The following LRRTM4 variants were observed in gnomAD, a reference collection of about 807,000 sequenced individuals.
LRRTM4 encodes leucine-rich repeat transmembrane neuronal protein 4.
Under a neutral mutation model 47.6 loss-of-function variants are expected in LRRTM4, and 25 were observed. The observed-to-expected ratio is 0.53, with a 90% CI of 0.38 to 0.73. The LOEUF (loss-of-function observed/expected upper bound fraction) is 0.73. Among genes scored for constraint, LRRTM4 ranks in the 30% least tolerant of loss-of-function variants. The pLI is 0.00. For synonymous variants in LRRTM4, 311 were observed against 269.5 expected (o/e 1.15, Z -1.51); for missense variants, 638 against 713.4 (o/e 0.89, Z 1.20).
intron 3 of LRRTM4, among the ~76,000 whole-genome samples, chr2:76,798,274 A>G (rs938687320): frequency 6.6e-6 from 1 of 152,152 alleles, no homozygotes; most frequent in South Asian, 2.1e-4. Context: ...TGCAATTAAA[A>G]TAGAACTCAG....
At chr2:76,837,741 G>A (rs1266493748) in intron 3 of LRRTM4, among the ~76,000 whole-genome samples, 1 of 152,106 alleles carries the variant, frequency 6.6e-6, no homozygotes, top group Non-Finnish European at 1.5e-5. Context: ...ATACACCATG[G>A]AATACTATGC....
At chr2:76,763,671 G>T (rs991376700) in intron 3 of LRRTM4, among the ~76,000 whole-genome samples, 1 of 152,120 alleles carries the variant, frequency 6.6e-6, no homozygotes, top group African/African-American at 2.4e-5. Context: ...AAAAATGTAG[G>T]CATGGTTTTG....
chr2:77,230,227 C>A (rs561727756), intron 3 of LRRTM4, among the ~76,000 whole-genome samples: 2 of 152,204 alleles, frequency 1.3e-5, no homozygotes, highest in East Asian at 3.9e-4. Flanking sequence ...AATTATTAAC[C>A]TACCATTATT....
chr2:77,320,119 C>A (rs572362339), intron 3 of LRRTM4, among the ~76,000 whole-genome samples: 1 of 151,678 alleles, frequency 6.6e-6, no homozygotes, highest in Admixed American at 6.6e-5. Flanking sequence ...TTAGATACTA[C>A]GTACTCTGAG....
chr2:77,137,885 T>C (rs1347780568), intron 3 of LRRTM4, among the ~76,000 whole-genome samples: 1 of 152,118 alleles, frequency 6.6e-6, no homozygotes, highest in African/African-American at 2.4e-5. Context: ...AGAAGGCCAT[T>C]ACATAATGGT....
intron 3 of LRRTM4, among the ~76,000 whole-genome samples, chr2:77,054,072 C>G (rs1679524057): frequency 6.6e-6 from 1 of 152,014 alleles, no homozygotes; most frequent in African/African-American, 2.4e-5. Context: ...TGAATAGTCT[C>G]TAGTTTCAAG....
chr2:76,987,046 C>A (rs115287870), intron 3 of LRRTM4, among the ~76,000 whole-genome samples: 1 of 151,316 alleles, frequency 6.6e-6, no homozygotes, highest in Non-Finnish European at 1.5e-5. Flanking sequence ...TTTTAGAAAG[C>A]GTGAAAAAAA....
chr2:77,052,223 C>T (rs1271222400), intron 3 of LRRTM4, among the ~76,000 whole-genome samples: 2 of 129,324 alleles, frequency 1.5e-5, no homozygotes, highest in African/African-American at 3.1e-5. Flanking sequence ...GAGTACAGTG[C>T]AGTGGCATGA....
chr2:77,476,757 G>A (rs1014459070), intron 3 of LRRTM4, among the ~76,000 whole-genome samples: 4 of 151,968 alleles, frequency 2.6e-5, no homozygotes, highest in Non-Finnish European at 5.9e-5. Flanking sequence ...TAGTCTAAAT[G>A]AACAATTTAC....
intron 3 of LRRTM4, among the ~76,000 whole-genome samples, chr2:77,359,554 C>T (rs957032246): frequency 6.6e-6 from 1 of 152,142 alleles, no homozygotes; most frequent in African/African-American, 2.4e-5. Flanking sequence ...CTGCATAGTA[C>T]ACTTAGGTTT....
chr2:76,936,954 CAA>C (rs56140303), intron 3 of LRRTM4, among the ~76,000 whole-genome samples: 357 of 22,536 alleles, frequency 0.016, no homozygotes, highest in African/African-American at 0.045. Flanking sequence ...GACTCCATCT[CAA>C]AAAAAAAAAA....
At chr2:77,426,805 GCACACACACA>G (rs72224838) in intron 3 of LRRTM4, among the ~76,000 whole-genome samples, 2,168 of 147,510 alleles carry the variant, frequency 0.015, 68 homozygotes, top group African/African-American at 0.051. Context: ...AGAGGTGTAT[GCACACACACA>G]CACACACACA....
intron 3 of LRRTM4, among the ~76,000 whole-genome samples, chr2:77,109,575 A>C (rs1050280086): frequency 2.6e-5 from 4 of 152,174 alleles, no homozygotes; most frequent in Admixed American, 2.0e-4. Flanking sequence ...AAGCAAAATA[A>C]AATTTTTGTG....
At chr2:76,814,230 TTATATAATAAGA>T (rs1015966545) in intron 3 of LRRTM4, among the ~76,000 whole-genome samples, 1 of 152,124 alleles carries the variant, frequency 6.6e-6, no homozygotes, top group Non-Finnish European at 1.5e-5. Context: ...AGAAAAAAGC[TTATATAATAAGA>T]TATAAAGAAA....
intron 3 of LRRTM4, among the ~76,000 whole-genome samples, chr2:76,863,232 G>C (rs1435468497): frequency 6.6e-6 from 1 of 152,182 alleles, no homozygotes; most frequent in Non-Finnish European, 1.5e-5. Flanking sequence ...CAGTCCTCAT[G>C]AGGATGTCCT....
intron 3 of LRRTM4, among the ~76,000 whole-genome samples, chr2:77,232,375 T>C (rs2103972505): frequency 6.6e-6 from 1 of 152,350 alleles, no homozygotes; most frequent in East Asian, 1.9e-4. Context: ...CTACTTAACA[T>C]GTATCTTTCC....
At chr2:77,124,041 T>C (rs1311392827) in intron 3 of LRRTM4, among the ~76,000 whole-genome samples, 1 of 152,084 alleles carries the variant, frequency 6.6e-6, no homozygotes, top group Non-Finnish European at 1.5e-5. Context: ...CAGTAATGTG[T>C]GTTTGTGAGT....
chr2:76,787,876 C>A (rs142294442), intron 3 of LRRTM4, among the ~76,000 whole-genome samples: 1 of 152,104 alleles, frequency 6.6e-6, no homozygotes, highest in Non-Finnish European at 1.5e-5. Context: ...CCTTTGACTT[C>A]TCTGAGCCAA....
intron 3 of LRRTM4, among the ~76,000 whole-genome samples, chr2:76,910,619 C>A (rs1674020184): frequency 6.6e-6 from 1 of 152,086 alleles, no homozygotes; most frequent in African/African-American, 2.4e-5. Flanking sequence ...AAAAATAGAG[C>A]TAGTATTAAA....
Sources: allele counts gnomAD v4.1 joint callset (sites outside exome capture counted in the v4.1 genomes callset), GRCh38; gene constraint gnomAD v4.1.1; transcripts MANE v1.5; gene names NCBI Gene and HGNC (gene_info 2026-07-23, HGNC 2026-07-21).